Variants in ODAD1 observed in about 807,000 individuals in gnomAD.
The protein encoded by ODAD1 is outer dynein arm docking complex subunit 1.
In ODAD1, 49 loss-of-function variants were observed where a neutral mutation model predicts 67.2. The observed-to-expected ratio is 0.73, with a 90% CI of 0.58 to 0.92. The LOEUF is 0.92. ODAD1 is among the 40% of genes least tolerant of loss of function. The pLI, the probability that ODAD1 is intolerant of heterozygous loss-of-function variation, is 0.00. For missense variants in ODAD1, 897 were observed against 953.7 expected (o/e 0.94, Z 0.78); for synonymous variants, 345 against 393.7 (o/e 0.88, Z 1.46).
rs746316054 is a variant in ODAD1, at chr19:48,297,069, T to A, written c.2031A>T (p.Gly677=). Reference sequence around the variant, plus strand: ...CGTGGTCTCTGCTGGACCCGAGGCCTCCGCTCGAATCAGACGCTGTGCCTC... The same window carrying A: ...CGTGGTCTCTGCTGGACCCGAGGCCACCGCTCGAATCAGACGCTGTGCCTC... ...ESGGTASDSS[G]GLGSSRDHVS... The change falls in exon 16 of 16, where the codon GGA becomes GGT. Residue 677 remains glycine, a synonymous_variant. Transcript: ENST00000674294. The A allele has an allele frequency of 6.2e-7, 1 of 1,613,104 alleles. No homozygotes were observed. Among genetic ancestry groups the A allele is most frequent in the Admixed American group, 1.7e-5 (1 of 60,012 alleles).
chr19:48,306,972 C>T (rs927684786), intron 7 of ODAD1, among the ~76,000 whole-genome samples: 24 of 151,798 alleles, frequency 1.6e-4, no homozygotes, highest in East Asian at 1.2e-3. Flanking sequence ...CACCTGAGGT[C>T]GGGAGTTTGA....
intron 5 of ODAD1, among the ~76,000 whole-genome samples, chr19:48,313,649 G>A (rs1351456233): frequency 1.3e-5 from 2 of 152,036 alleles, no homozygotes; most frequent in African/African-American, 2.4e-5. Context: ...TTGGAAGGCT[G>A]AGGCAGGATG....
At chr19:48,314,735 G>A (rs249371) in intron 5 of ODAD1, among the ~76,000 whole-genome samples, 27,155 of 152,032 alleles carry the variant, frequency 0.18, 2,542 homozygotes, top group Middle Eastern at 0.23. Context: ...GAGGTCAGGA[G>A]TTTGAGACCA....
chr19:48,298,969 G>A lies in ODAD1; in HGVS notation c.1241-629C>T, dbSNP rs573653707. On this transcript the variant is annotated intron_variant, in intron 12 of 15. Coordinates refer to ENST00000674294, the MANE Select transcript of ODAD1 (RefSeq NM_001364171.2). ...ATGCCCCGAGGAGGCTCTCCAGCTCGCTCCCCACCACCCCCCACCTTTCTC... is the reference window on the plus strand; with the variant it reads ...ATGCCCCGAGGAGGCTCTCCAGCTCACTCCCCACCACCCCCCACCTTTCTC... Among the ~76,000 whole-genome samples, 69 of 152,204 alleles carry A rather than the reference G, an allele frequency of 4.5e-4. No individual in the cohort carries two copies. The Middle Eastern group carries it at 0.027, about 60-fold the overall frequency.
At chr19:48,310,389 A>C (rs140032758) in intron 7 of ODAD1, among the ~76,000 whole-genome samples, 8 of 152,304 alleles carry the variant, frequency 5.3e-5, no homozygotes, top group Admixed American at 2.6e-4. Flanking sequence ...GCAACGTGAG[A>C]TTCTGGACCG....
intron 12 of ODAD1, among the ~76,000 whole-genome samples, chr19:48,300,681 C>G (rs1463901843): frequency 1.3e-5 from 2 of 151,834 alleles, no homozygotes; most frequent in Non-Finnish European, 1.5e-5. Flanking sequence ...CAAGACAAAC[C>G]CAATTTTTAA....
intron 5 of ODAD1, among the ~76,000 whole-genome samples, chr19:48,313,156 C>T (rs904814976): frequency 9.9e-5 from 15 of 152,162 alleles, no homozygotes; most frequent in African/African-American, 3.6e-4. Flanking sequence ...TGGCCGGGCA[C>T]GGTGGCTCAC....
rs750212100 is a variant in ODAD1 at position 48,302,739 on chromosome 19, C to A, written c.1195G>T (p.Ala399Ser). Residue 399 changes from alanine (A) to serine (S), a missense_variant, in exon 12 of 16, where the codon GCC (alanine) becomes TCC (serine). Ala to Ser is a moderately conservative substitution (Grantham distance 99). Coordinates refer to ENST00000674294, the MANE Select transcript of ODAD1 (RefSeq NM_001364171.2). ...KVHSEAERLEARFQDVRGQLE... is the reference protein window; with the variant it reads ...KVHSEAERLESRFQDVRGQLE... ...TGTCCCCGCACATCCTGGAAGCGGG[C>A]CTCAAGGCGCTCAGCCTCCGAGTGC... 5.6e-6 allele frequency: 9 copies of A among 1,613,010 alleles called. No homozygotes were observed. In the Admixed American group the frequency reaches 1.5e-4, roughly 27 times the overall value.
chr19:48,302,907 A>T (rs1309058024), intron 11 of ODAD1, 45 bp from the exon 12 acceptor site: 67 of 1,368,696 alleles, frequency 4.9e-5, no homozygotes, highest in Non-Finnish European at 6.4e-5. Flanking sequence ...CAGCCTCGGG[A>T]GTTGGGGGTG....
chr19:48,312,292 C>T (rs1044393201), intron 5 of ODAD1, among the ~76,000 whole-genome samples, 176 bp from the exon 6 acceptor site: 1 of 152,058 alleles, frequency 6.6e-6, no homozygotes, highest in Non-Finnish European at 1.5e-5. Flanking sequence ...GTGGGCCTTC[C>T]AACCACAGTG....
rs758310719 is a variant in ODAD1, at chr19:48,302,743, A to G, written c.1191T>C (p.Leu397=). ...CCCGCACATCCTGGAAGCGGGCCTC[A>G]AGGCGCTCAGCCTCCGAGTGCACCT... ...MDKVHSEAER[L]EARFQDVRGQ... The change falls in exon 12 of 16, where the codon CTT becomes CTC. Residue 397 remains leucine, a synonymous_variant. Coordinates refer to ENST00000674294, the MANE Select transcript of ODAD1 (RefSeq NM_001364171.2). 15 of 1,613,196 alleles carry G rather than the reference A, an allele frequency of 9.3e-6. No homozygotes were observed. In the African/African-American group the frequency reaches 2.0e-4, roughly 22 times the overall value.
Position 48,296,750 on chromosome 19 carries a change from T to C in ODAD1, c.*226A>G. On this transcript the variant is annotated 3_prime_UTR_variant, in exon 16 of 16. Transcript: ENST00000674294. ...ACCAGGAAGCCCAGAGAACAGGAGA[T>C]CAGGAGTCAGAGGGAAAAGCAGTGT... 7.3e-7 allele frequency: 1 copy of C among 1,374,976 alleles called. No homozygotes were observed. Among genetic ancestry groups the C allele is most frequent in the Non-Finnish European group, 9.4e-7 (1 of 1,069,194 alleles). 85.2% of individuals were successfully genotyped at this position (1,374,976 alleles called of 1,614,324 possible).
chr19:48,297,463 G>A lies in ODAD1; in HGVS notation c.1637C>T (p.Ala546Val), dbSNP rs1185661542. The change falls in exon 16 of 16, where the codon GCC (alanine) becomes GTC (valine). Residue 546 changes from alanine (A) to valine (V), a missense_variant. By Grantham distance (64) the Ala-to-Val change is moderately conservative. Transcript: ENST00000674294. ...GCTCAGGGTGCCGTCCAGCTTCGCG[G>A]CGGCGGCGGCCAGGTCCTTCTGGCG... Reference protein sequence around the residue: ...AQRQKDLAAAAAKLDGTLSVD... With the variant: ...AQRQKDLAAAVAKLDGTLSVD... 6.2e-7 allele frequency: 1 copy of A among 1,600,948 alleles called. No individual in the cohort carries two copies. The highest frequency in any genetic ancestry group is 1.7e-5 in the Admixed American group (1 of 59,042).
intron 12 of ODAD1, among the ~76,000 whole-genome samples, chr19:48,300,845 G>A (rs113820092): frequency 8.5e-5 from 13 of 152,138 alleles, no homozygotes; most frequent in African/African-American, 2.9e-4. Context: ...AATGGCTGAC[G>A]GCCAGGCACG....
In ODAD1 at chr19:48,297,080, C is replaced by T. The variant is rs370401603; in HGVS notation, c.2020G>A (p.Asp674Asn). The change falls in exon 16 of 16, where the codon GAT becomes AAT. Residue 674 changes from aspartate to asparagine, a missense_variant. By Grantham distance (23) the Asp-to-Asn change is conservative. Transcript: ENST00000674294. Reference sequence around the variant, plus strand: ...CTGGACCCGAGGCCTCCGCTCGAATCAGACGCTGTGCCTCCGCTCTCCACA... The same window carrying T: ...CTGGACCCGAGGCCTCCGCTCGAATTAGACGCTGTGCCTCCGCTCTCCACA... Reference protein sequence around the residue: ...GGVESGGTASDSSGGLGSSRD... With the variant: ...GGVESGGTASNSSGGLGSSRD... 3.2e-5 allele frequency: 51 copies of T among 1,613,206 alleles called. No individual in the cohort carries two copies. Among genetic ancestry groups the T allele is most frequent in the Non-Finnish European group, 4.2e-5 (49 of 1,179,586 alleles).
rs1181833121 is a variant in ODAD1 at position 48,297,087 on chromosome 19, T to C, written c.2013A>G (p.Thr671=). The change falls in exon 16 of 16, where the codon ACA becomes ACG. Residue 671 remains threonine (T), a synonymous_variant. Coordinates refer to ENST00000674294, the MANE Select transcript of ODAD1 (RefSeq NM_001364171.2). The part of the protein sequence containing the change: ...NTEGGVESGG[T]ASDSSGGLGS... The stretch of plus-strand genomic sequence containing the variant: ...CGAGGCCTCCGCTCGAATCAGACGC[T>C]GTGCCTCCGCTCTCCACACCACCCT... The C allele has an allele frequency of 1.9e-6, 3 of 1,613,376 alleles. No homozygotes were observed. Among genetic ancestry groups the C allele is most frequent in the Non-Finnish European group, 2.5e-6 (3 of 1,179,576 alleles).
In ODAD1 at chr19:48,318,537, G is replaced by T. The variant is rs1968961182; in HGVS notation, c.210C>A (p.Leu70=). The change falls in exon 5 of 16, where the codon CTC becomes CTA. Residue 70 remains leucine, a synonymous_variant. Transcript: ENST00000674294. ...IRRLEEVRGD[L]QVQISAAQNQ... is the part of the protein sequence containing the mutation. ...TCTGGGCTGCGCTGATCTGCACCTG[G>T]AGATCGCCCCGTACCTCCTCCAAGC... The T allele has an allele frequency of 6.4e-7, 1 of 1,551,448 alleles. No homozygotes were observed. Among genetic ancestry groups the T allele is most frequent in the Admixed American group, 2.0e-5 (1 of 50,968 alleles).
chr19:48,310,068 C>T (rs1421006183), intron 7 of ODAD1, among the ~76,000 whole-genome samples: 3 of 152,022 alleles, frequency 2.0e-5, no homozygotes, highest in Non-Finnish European at 4.4e-5. Flanking sequence ...AACCCTGTCT[C>T]TACTAAAAAT....
Position 48,297,301 on chromosome 19 carries a change from C to G in ODAD1, c.1799G>C (p.Gly600Ala), listed in dbSNP as rs200124335. 1.1e-4 allele frequency: 177 copies of G among 1,613,704 alleles called. 1 individual carries two copies. The highest frequency in any genetic ancestry group is 1.0e-4 in the Admixed American group (6 of 60,006). Residue 600 changes from glycine to alanine, a missense_variant, in exon 16 of 16, where the codon GGC (glycine) becomes GCC (alanine). By Grantham distance (60) the Gly-to-Ala change is moderately conservative. Transcript: ENST00000674294. Reference sequence around the variant, plus strand: ...ATGCCCAGTGCTGGAGCTGAGGCCGCCAAAAGTGACGTGGCCAAGAGAGCC... The same window carrying G: ...ATGCCCAGTGCTGGAGCTGAGGCCGGCAAAAGTGACGTGGCCAAGAGAGCC... Reference protein sequence around the residue: ...DRGSLGHVTFGGLSSSTGHLP... With the variant: ...DRGSLGHVTFAGLSSSTGHLP...
Sources: allele counts gnomAD v4.1 joint callset (sites outside exome capture counted in the v4.1 genomes callset), GRCh38; gene constraint gnomAD v4.1.1; transcripts MANE v1.5; gene names NCBI Gene and HGNC (gene_info 2026-07-23, HGNC 2026-07-21).